Variants in SYT15B observed in about 807,000 individuals in gnomAD.
SYT15B encodes synaptotagmin 15B.
the SYT15B span, chr10:47,751,282 G>T: frequency 7.9e-6 from 1 of 126,766 alleles, no homozygotes; most frequent in African/African-American, 2.9e-5. Flanking sequence ...TAGTTTTTTT[G>T]TGTGTGGATT....
chr10:47,748,560 C>T, the SYT15B span, among the ~76,000 whole-genome samples: 1 of 152,134 alleles, frequency 6.6e-6, no homozygotes, highest in African/African-American at 2.4e-5. Flanking sequence ...AAGGAAAAAA[C>T]ATTAAAAGCA....
the SYT15B span, chr10:47,756,185 CTT>C: frequency 2.7e-4 from 104 of 381,668 alleles, no homozygotes; most frequent in Non-Finnish European, 4.1e-4. Context: ...ACTTGACAAA[CTT>C]GTTGTGGTTC....
the SYT15B span, among the ~76,000 whole-genome samples, chr10:47,759,413 C>CTTCT: frequency 1.1e-5 from 1 of 89,988 alleles, no homozygotes; most frequent in Admixed American, 1.4e-4. Context: ...GAAGCCCAGG[C>CTTCT]TTCTGGTCAC....
chr10:47,749,675 G>GC, the SYT15B span, among the ~76,000 whole-genome samples: 5 of 151,184 alleles, frequency 3.3e-5, no homozygotes, highest in South Asian at 1.0e-3. Context: ...CAATGGTAGG[G>GC]GGGGAAACGG....
At chr10:47,750,893 T>A in the SYT15B span, 1 of 151,650 alleles carries the variant, frequency 6.6e-6, no homozygotes, top group Non-Finnish European at 1.5e-5. Context: ...ATTACAAGAA[T>A]GTTAAGTTTG....
chr10:47,756,365 TGACCA>T, the SYT15B span: 1 of 145,482 alleles, frequency 6.9e-6, no homozygotes, highest in Admixed American at 8.9e-5. Flanking sequence ...CCCGCCGGCG[TGACCA>T]GAGGAAGCCG....
the SYT15B span, among the ~76,000 whole-genome samples, chr10:47,749,661 A>C: frequency 6.7e-6 from 1 of 149,472 alleles, no homozygotes; most frequent in African/African-American, 2.5e-5. Flanking sequence ...TGTGTAAGTA[A>C]AACCAATGGT....
chr10:47,756,459 C>A, the SYT15B span, among the ~76,000 whole-genome samples: 1 of 141,252 alleles, frequency 7.1e-6, no homozygotes, highest in South Asian at 2.5e-4. Flanking sequence ...CAGGAAAGTA[C>A]CCACGGCTCC....
the SYT15B span, among the ~76,000 whole-genome samples, chr10:47,761,270 G>A: frequency 6.9e-6 from 1 of 145,046 alleles, no homozygotes; most frequent in Non-Finnish European, 1.5e-5. Context: ...CCTGGAACAT[G>A]GGTTTCATAA....
chr10:47,756,537 GGGCCCCCA>G, the SYT15B span, among the ~76,000 whole-genome samples: 1 of 135,308 alleles, frequency 7.4e-6, no homozygotes, highest in African/African-American at 2.8e-5. Flanking sequence ...GCTGCTCACT[GGGCCCCCA>G]GGCCCCCTGG....
At chr10:47,748,437 T>C in the SYT15B span, among the ~76,000 whole-genome samples, 1 of 151,944 alleles carries the variant, frequency 6.6e-6, no homozygotes, top group East Asian at 1.9e-4. Flanking sequence ...GGTCTCAAAC[T>C]TCTGACCTCA....
the SYT15B span, among the ~76,000 whole-genome samples, chr10:47,746,778 G>A: frequency 8.9e-6 from 1 of 111,818 alleles, no homozygotes; most frequent in Non-Finnish European, 1.8e-5. Context: ...GCATTGACAT[G>A]TTGTGATTAG....
the SYT15B span, among the ~76,000 whole-genome samples, chr10:47,755,647 A>ACT: frequency 7.5e-6 from 1 of 132,966 alleles, no homozygotes; most frequent in South Asian, 2.7e-4. Flanking sequence ...AGTAGCTGGG[A>ACT]TTACAGGGGT....
the SYT15B span, chr10:47,763,484 G>A: frequency 3.4e-6 from 2 of 588,194 alleles, no homozygotes; most frequent in Non-Finnish European, 4.2e-6. Context: ...ACTTAGAGCG[G>A]AGGAGCGGCG....
the SYT15B span, among the ~76,000 whole-genome samples, chr10:47,748,442 A>T: frequency 6.6e-6 from 1 of 151,808 alleles, no homozygotes; most frequent in Non-Finnish European, 1.5e-5. Flanking sequence ...CAAACTTCTG[A>T]CCTCAGGTGA....
the SYT15B span, among the ~76,000 whole-genome samples, chr10:47,762,403 G>C: frequency 1.9e-4 from 23 of 123,484 alleles, no homozygotes; most frequent in Non-Finnish European, 3.4e-4. Context: ...CAGGTCTCAG[G>C]GATCTGCACT....
the SYT15B span, among the ~76,000 whole-genome samples, chr10:47,748,730 T>A: frequency 2.0e-5 from 3 of 150,662 alleles, no homozygotes; most frequent in Admixed American, 2.0e-4. Flanking sequence ...GGCTCAAGGG[T>A]GCTGGGATGA....
chr10:47,746,944 A>AT, the SYT15B span, among the ~76,000 whole-genome samples: 1 of 123,370 alleles, frequency 8.1e-6, no homozygotes, highest in Non-Finnish European at 1.7e-5. Flanking sequence ...AATTCTGAGA[A>AT]TTTTTTTTCT....
At chr10:47,746,661 A>G in the SYT15B span, among the ~76,000 whole-genome samples, 1 of 140,338 alleles carries the variant, frequency 7.1e-6, no homozygotes, top group Admixed American at 7.2e-5. Context: ...CTGGGCAACA[A>G]GAGTGAAACC....
Sources: gnomAD v4.1 joint callset for allele counts (sites outside exome capture counted in the v4.1 genomes callset) on GRCh38, gnomAD v4.1.1 for gene constraint, MANE v1.5 for transcripts, NCBI Gene and HGNC (gene_info 2026-07-23, HGNC 2026-07-21) for gene names.